The following TRPC4AP variants were observed in gnomAD, a reference collection of about 807,000 sequenced individuals.
TRPC4AP encodes the protein short transient receptor potential channel 4-associated protein.
Under a neutral mutation model 99.0 loss-of-function variants are expected in TRPC4AP, and 45 were observed. That is an observed-to-expected ratio of 0.45 (90% CI 0.36 to 0.58). The LOEUF (loss-of-function observed/expected upper bound fraction) is 0.58. TRPC4AP is among the 20% of genes least tolerant of loss of function. The pLI, the probability that TRPC4AP is intolerant of heterozygous loss-of-function variation, is 0.00. For synonymous variants in TRPC4AP, 408 were observed against 385.8 expected, an observed-to-expected ratio of 1.06 and a Z score of -0.67; for missense variants, 879 against 985.3, an observed-to-expected ratio of 0.89 and a Z score of 1.44.
chr20:35,043,095 G>C (rs993904154), intron 7 of TRPC4AP, among the ~76,000 whole-genome samples: 2 of 151,932 alleles, frequency 1.3e-5, no homozygotes, highest in African/African-American at 4.8e-5. Flanking sequence ...ATATATCTTG[G>C]AGATTTTTCT....
intron 9 of TRPC4AP, among the ~76,000 whole-genome samples, chr20:35,020,517 G>A (rs1284446416): frequency 1.3e-5 from 2 of 152,104 alleles, no homozygotes; most frequent in African/African-American, 4.8e-5. Flanking sequence ...GTAAAATGGG[G>A]GTAACTGCAC....
At chr20:35,058,877 C>T (rs532590736) in intron 3 of TRPC4AP, among the ~76,000 whole-genome samples, 1 of 151,696 alleles carries the variant, frequency 6.6e-6, no homozygotes, top group African/African-American at 2.4e-5. Context: ...TTAGTAGAAA[C>T]GAGGTTTTGC....
At chr20:35,009,356 G>GA (rs1600502908) in intron 12 of TRPC4AP, among the ~76,000 whole-genome samples, 1 of 151,926 alleles carries the variant, frequency 6.6e-6, no homozygotes, top group South Asian at 2.1e-4. Flanking sequence ...TGCTACCTTA[G>GA]AAAAAAAAGA....
rs2083077153 is a variant in TRPC4AP, at chr20:35,028,220, T to TTC, written c.1052-6865_1052-6864insGA. ...TGTCTCAAAATATTTCCTTTTTTTT[T>TTC]TTTGATGGAATCTCACTCTGTCACC... On this transcript the variant is annotated intron_variant, in intron 8 of 18. Coordinates refer to ENST00000252015, the MANE Select transcript of TRPC4AP (RefSeq NM_015638.3). 3.3e-5 allele frequency among the ~76,000 whole-genome samples: 5 copies of TTC among 151,808 alleles called. No individual in the cohort carries two copies. In the South Asian group the frequency reaches 1.0e-3, roughly 32 times the overall value.
At chr20:35,056,178 G>C (rs1011643078) in intron 4 of TRPC4AP, among the ~76,000 whole-genome samples, 1 of 152,132 alleles carries the variant, frequency 6.6e-6, no homozygotes, top group African/African-American at 2.4e-5. Context: ...CTCTGTGATT[G>C]ATTTATTTAA....
chr20:35,036,859 T>C (rs2083331084), intron 7 of TRPC4AP, among the ~76,000 whole-genome samples: 2 of 151,758 alleles, frequency 1.3e-5, no homozygotes, highest in South Asian at 4.2e-4. Context: ...GGCATGAGAA[T>C]TGCTTGAACC....
chr20:35,087,610 T>C (rs915311219), intron 1 of TRPC4AP, among the ~76,000 whole-genome samples: 1 of 152,142 alleles, frequency 6.6e-6, no homozygotes, highest in African/African-American at 2.4e-5. Context: ...ATTTGGGGCC[T>C]TGTACGCCCA....
At chr20:35,030,297 ATTTT>A (rs1054865374) in intron 8 of TRPC4AP, 1 of 150,774 alleles carries the variant, frequency 6.6e-6, no homozygotes. Flanking sequence ...TCTTTTCCAG[ATTTT>A]TTTTAAAAAT....
At chr20:35,060,274 C>G (rs987888776) in intron 3 of TRPC4AP, among the ~76,000 whole-genome samples, 9 of 151,998 alleles carry the variant, frequency 5.9e-5, no homozygotes, top group Admixed American at 4.6e-4. Context: ...CCCTAGCAAA[C>G]AAAATCCAGA....
At chr20:35,023,841 C>T (rs372034532) in intron 8 of TRPC4AP, among the ~76,000 whole-genome samples, 8 of 152,250 alleles carry the variant, frequency 5.3e-5, no homozygotes, top group Admixed American at 4.6e-4. Flanking sequence ...GAGAAATGAA[C>T]GTCTGCGAAG....
At chr20:35,024,042 CCT>C (rs529451231) in intron 8 of TRPC4AP, among the ~76,000 whole-genome samples, 80 of 152,268 alleles carry the variant, frequency 5.3e-4, no homozygotes, top group Middle Eastern at 3.4e-3. Flanking sequence ...CCTGTGCTCC[CCT>C]GAGTCTCTTC....
At chr20:35,088,023 T>C (rs990383069) in intron 1 of TRPC4AP, among the ~76,000 whole-genome samples, 9 of 152,194 alleles carry the variant, frequency 5.9e-5, no homozygotes, top group East Asian at 3.9e-4. Context: ...CAATTGGATA[T>C]ACCTACCCAT....
At chr20:35,080,445 G>A (rs1378251591) in intron 1 of TRPC4AP, among the ~76,000 whole-genome samples, 1 of 149,598 alleles carries the variant, frequency 6.7e-6, no homozygotes, top group Non-Finnish European at 1.5e-5. Context: ...AGGTTGCAGT[G>A]AGCCAAGACT....
chr20:35,046,506 C>T (rs1363909589), intron 6 of TRPC4AP, among the ~76,000 whole-genome samples: 1 of 152,178 alleles, frequency 6.6e-6, no homozygotes, highest in Non-Finnish European at 1.5e-5. Context: ...TCTGACCATA[C>T]TTTGATGAAG....
chr20:35,045,794 C>CA (rs2083548413), intron 6 of TRPC4AP, among the ~76,000 whole-genome samples: 1 of 152,048 alleles, frequency 6.6e-6, no homozygotes, highest in East Asian at 1.9e-4. Context: ...TCCACCTTGG[C>CA]CTCCCAAAGT....
At chr20:35,059,896 TGAAGAAGACGAAGAC>T (rs67999415) in intron 3 of TRPC4AP, among the ~76,000 whole-genome samples, 59,390 of 142,240 alleles carry the variant, frequency 0.42, 12,785 homozygotes, top group East Asian at 0.59. Flanking sequence ...AAGATGAAGA[TGAAGAAGACGAAGAC>T]GAAGAAGACA....
chr20:35,002,948 C>T lies in TRPC4AP; in HGVS notation c.*198G>A. The stretch of plus-strand genomic sequence containing the variant: ...TGGTACCCTGTCCTCATTATGGGGA[C>T]TGAGGCTCTCCATGACCTAGGGCCC... On this transcript the variant is annotated 3_prime_UTR_variant, in exon 19 of 19. Coordinates refer to ENST00000252015, the MANE Select transcript of TRPC4AP (RefSeq NM_015638.3). The T allele has an allele frequency of 1.5e-6, 1 of 662,490 alleles. No individual in the cohort carries two copies. Among genetic ancestry groups the T allele is most frequent in the Non-Finnish European group, 2.5e-6 (1 of 399,790 alleles). 41.0% of individuals were successfully genotyped at this position (662,490 alleles called of 1,614,324 possible). A position where few individuals can be genotyped will look rare whatever the true frequency, so the allele number is the denominator to read the frequency against.
In TRPC4AP at chr20:35,069,352, T is replaced by C. The variant is rs1478603378; in HGVS notation, c.358A>G (p.Thr120Ala). Residue 120 changes from threonine (T) to alanine (A), a missense_variant, in exon 3 of 19, where the codon ACC (threonine) becomes GCC (alanine). Physicochemically the swap from Thr to Ala is moderately conservative, Grantham distance 58 (BLOSUM62 0). Coordinates refer to ENST00000252015, the MANE Select transcript of TRPC4AP (RefSeq NM_015638.3). ...GTATTTGGATAAGTGGTTTCTTGGGTAAGTTTCCTCTCTTCAGTAACAAAT... is the reference window on the plus strand; with the variant it reads ...GTATTTGGATAAGTGGTTTCTTGGGCAAGTTTCCTCTCTTCAGTAACAAAT... The part of the protein sequence containing the change: ...MAFVTEERKL[T>A]QETTYPNTYI... 1.2e-6 allele frequency: 2 copies of C among 1,612,982 alleles called. No individual in the cohort carries two copies. Among genetic ancestry groups the C allele is most frequent in the Non-Finnish European group, 1.7e-6 (2 of 1,179,040 alleles).
rs6120789 is a variant in TRPC4AP at position 35,008,664 on chromosome 20, C to G, written c.1595G>C (p.Arg532Thr). 1.9e-6 allele frequency: 3 copies of G among 1,613,324 alleles called. No individual in the cohort carries two copies. Among genetic ancestry groups the G allele is most frequent in the Non-Finnish European group, 2.5e-6 (3 of 1,179,652 alleles). The change falls in exon 13 of 19, where the codon AGG becomes ACG. Residue 532 changes from arginine to threonine, a missense_variant and splice_region_variant. Physicochemically the swap from Arg to Thr is moderately conservative, Grantham distance 71. Coordinates refer to ENST00000252015, the MANE Select transcript of TRPC4AP (RefSeq NM_015638.3). ...MKKEPAESSF[R>T]FWQARAVESF... ...GGCAGGTACTTTTCCCCAGACTCAC[C>G]TGAAAGACGACTCTGCTGGCTCCTT...
Sources: gnomAD v4.1 joint callset for allele counts (sites outside exome capture counted in the v4.1 genomes callset) on GRCh38, gnomAD v4.1.1 for gene constraint, MANE v1.5 for transcripts, NCBI Gene and HGNC (gene_info 2026-07-23, HGNC 2026-07-21) for gene names.